The following FAP variants were observed in gnomAD, a reference collection of about 807,000 sequenced individuals.
FAP encodes fibroblast activation protein alpha.
A neutral mutation model predicts 126.5 loss-of-function variants in FAP; 110 were observed. That is an observed-to-expected ratio of 0.87 (90% CI 0.74 to 1.02). The LOEUF is 1.02. Ranked by LOEUF, FAP falls within the 50% of genes least tolerant of loss-of-function variation. FAP has a pLI of 0.00. For synonymous variants in FAP, 334 were observed against 297.3 expected, an observed-to-expected ratio of 1.12 and a Z score of -1.27; for missense variants, 919 against 909.2, an observed-to-expected ratio of 1.01 and a Z score of -0.14.
intron 16 of FAP, 63 bp from the exon 17 acceptor site, chr2:162,194,811 G>T: frequency 7.0e-7 from 1 of 1,434,524 alleles, no homozygotes; most frequent in Non-Finnish European, 9.8e-7. Flanking sequence ...TTTTCAAGAC[G>T]GGCTGCTGGT....
chr2:162,232,904 A>G (rs1689954464), intron 2 of FAP, among the ~76,000 whole-genome samples: 1 of 152,200 alleles, frequency 6.6e-6, no homozygotes, highest in Non-Finnish European at 1.5e-5. Context: ...TTTTGAAGAC[A>G]TCAGTCTCCT....
In FAP at chr2:162,172,668, T is replaced by C. The variant is rs186300433; in HGVS notation, c.2181+143A>G. The C allele has an allele frequency of 2.2e-3, 1,321 of 599,466 alleles. 2 individuals are homozygous for C. Among genetic ancestry groups the C allele is most frequent in the Non-Finnish European group, 3.1e-3 (1,063 of 337,656 alleles). The allele number at this position is 599,466 out of a possible 1,614,324, so 37.1% of individuals were successfully genotyped here. ...CAGTAGTTAAAGAAAGATCCAAGATTCATTTGCTAATGTTCTGCCTACTCT... is the reference window on the plus strand; with the variant it reads ...CAGTAGTTAAAGAAAGATCCAAGATCCATTTGCTAATGTTCTGCCTACTCT... On this transcript the variant is annotated intron_variant, in intron 25 of 25. Transcript: ENST00000188790.
chr2:162,225,462 A>G, intron 4 of FAP, 21 bp downstream of exon 4: 2 of 1,589,224 alleles, frequency 1.3e-6, no homozygotes, highest in Non-Finnish European at 1.7e-6. Flanking sequence ...TCTGAGGGGG[A>G]AGATGATGTT....
chr2:162,181,127 A>G (rs933186927), intron 21 of FAP, among the ~76,000 whole-genome samples: 1 of 151,942 alleles, frequency 6.6e-6, no homozygotes, highest in Non-Finnish European at 1.5e-5. Context: ...AAAAAGGAAT[A>G]TTAGCCAGGC....
chr2:162,177,753 TA>T (rs1418964526), intron 21 of FAP, among the ~76,000 whole-genome samples: 1 of 152,314 alleles, frequency 6.6e-6, no homozygotes, highest in East Asian at 1.9e-4. Flanking sequence ...CCCAACTCCA[TA>T]AGGGTAGATA....
chr2:162,233,747 C>G (rs1054180455), intron 2 of FAP, among the ~76,000 whole-genome samples: 10 of 152,006 alleles, frequency 6.6e-5, no homozygotes, highest in African/African-American at 2.4e-4. Flanking sequence ...TGTATGTTTT[C>G]TTTTGTTTCT....
intron 9 of FAP, among the ~76,000 whole-genome samples, chr2:162,217,211 A>G (rs1231562819): frequency 5.9e-5 from 9 of 152,266 alleles, no homozygotes; most frequent in Admixed American, 5.9e-4. Context: ...GTGTCCAGCC[A>G]CGACAATATT....
chr2:162,217,591 A>G (rs151103813), intron 9 of FAP, among the ~76,000 whole-genome samples: 3 of 152,346 alleles, frequency 2.0e-5, no homozygotes, highest in Non-Finnish European at 4.4e-5. Flanking sequence ...TCTACCTGAC[A>G]GGAACATCAA....
intron 2 of FAP, among the ~76,000 whole-genome samples, chr2:162,228,357 C>A (rs757640694): frequency 3.3e-5 from 5 of 152,134 alleles, no homozygotes; most frequent in Non-Finnish European, 5.9e-5. Context: ...ATCTGAAACT[C>A]AACCTTCTCT....
chr2:162,200,815 GATTAA>G (rs1287223852), intron 14 of FAP, among the ~76,000 whole-genome samples, 196 bp from the exon 15 acceptor site: 1 of 152,118 alleles, frequency 6.6e-6, no homozygotes, highest in African/African-American at 2.4e-5. Context: ...ATCAGAGGAA[GATTAA>G]ATTATGCTGA....
chr2:162,237,295 G>A (rs1162043205), intron 2 of FAP, among the ~76,000 whole-genome samples: 1 of 152,154 alleles, frequency 6.6e-6, no homozygotes. Context: ...GATATTATAT[G>A]TGCCATGGTG....
chr2:162,196,715 G>A (rs1032575427), intron 16 of FAP, among the ~76,000 whole-genome samples: 19 of 151,992 alleles, frequency 1.3e-4, no homozygotes, highest in African/African-American at 3.9e-4. Flanking sequence ...ACCATCCCTC[G>A]GGAGAGTTTG....
At chr2:162,243,253 A>C (rs1410428020) in intron 1 of FAP, 69 bp downstream of exon 1, 16 of 1,226,448 alleles carry the variant, frequency 1.3e-5, no homozygotes, top group Non-Finnish European at 1.8e-5. Flanking sequence ...TAAACAATAG[A>C]AAACTCTGAT....
At chr2:162,177,841 TTTG>T (rs1161719904) in intron 21 of FAP, among the ~76,000 whole-genome samples, 1 of 152,132 alleles carries the variant, frequency 6.6e-6, no homozygotes. Flanking sequence ...AGAATAAATA[TTTG>T]TTGAGTATAT....
chr2:162,189,584 C>A lies in FAP; in HGVS notation c.1549+72G>T, dbSNP rs955094824. 3.2e-5 allele frequency: 26 copies of A among 805,250 alleles called. No homozygotes were observed. In the South Asian group the frequency reaches 3.9e-4, roughly 12 times the overall value. 49.9% of individuals were successfully genotyped at this position (805,250 alleles called of 1,614,324 possible). The stretch of plus-strand genomic sequence containing the variant: ...CAGAATTTGCACTGTAACATTCACT[C>A]TATGCTTTTTTAAAAGCAAGAAAAT... On this transcript the variant is annotated intron_variant, in intron 18 of 25. Transcript: ENST00000188790.
At chr2:162,194,918 A>C (rs1208978451) in intron 16 of FAP, 170 bp from the exon 17 acceptor site, 2 of 638,932 alleles carry the variant, frequency 3.1e-6, no homozygotes, top group African/African-American at 3.6e-5. Context: ...AGTCACATTT[A>C]AACAATACAT....
chr2:162,184,044 A>G (rs1182932517), intron 20 of FAP, among the ~76,000 whole-genome samples: 1 of 152,130 alleles, frequency 6.6e-6, no homozygotes, highest in Non-Finnish European at 1.5e-5. Context: ...CCATTTGAAA[A>G]CTATTTTGAA....
intron 20 of FAP, among the ~76,000 whole-genome samples, chr2:162,184,964 A>G (rs1489657605): frequency 6.6e-6 from 1 of 152,144 alleles, no homozygotes; most frequent in Non-Finnish European, 1.5e-5. Context: ...AAAGGATGAC[A>G]TTTACAGGAA....
chr2:162,225,480 T>A lies in FAP; in HGVS notation c.285+3A>T, dbSNP rs779105905. 1 of 1,597,332 alleles carries A rather than the reference T, an allele frequency of 6.3e-7. No individual in the cohort carries two copies. Among genetic ancestry groups the A allele is most frequent in the South Asian group, 1.1e-5 (1 of 89,412 alleles). On this transcript the variant is annotated splice_donor_region_variant and intron_variant, in intron 4 of 25. Transcript: ENST00000188790. ...GAGGGGGAAGATGATGTTGGATACA[T>A]ACCATGGTTCTATTACTCAAAATGG...
Sources: gnomAD v4.1 joint callset for allele counts (sites outside exome capture counted in the v4.1 genomes callset) on GRCh38, gnomAD v4.1.1 for gene constraint, MANE v1.5 for transcripts, NCBI Gene and HGNC (gene_info 2026-07-23, HGNC 2026-07-21) for gene names.